Variants in SUGCT observed in about 807,000 individuals in gnomAD.
SUGCT encodes succinyl-CoA:glutarate CoA-transferase.
SUGCT carries 41 observed loss-of-function variants against 55.0 expected under a neutral mutation model. The ratio of observed to expected loss-of-function variants is 0.74; its 90% CI spans 0.58 to 0.97. The LOEUF is 0.97. Ranked by LOEUF, SUGCT falls within the 50% of genes least tolerant of loss-of-function variation. The probability of loss-of-function intolerance (pLI) is 0.00; values close to 1 mark genes in which losing one functional copy is unlikely to be tolerated. For synonymous variants in SUGCT, 187 were observed against 200.4 expected (o/e 0.93, Z 0.56); for missense variants, 568 against 547.8 (o/e 1.04, Z -0.37).
chr7:40,446,467 T>G (rs1363931750), intron 9 of SUGCT, among the ~76,000 whole-genome samples: 2 of 152,198 alleles, frequency 1.3e-5, no homozygotes, highest in Non-Finnish European at 2.9e-5. Flanking sequence ...ATTTTCTTTC[T>G]GTAGTTGAGA....
chr7:40,222,734 G>T (rs764452711), intron 6 of SUGCT, among the ~76,000 whole-genome samples: 1 of 152,028 alleles, frequency 6.6e-6, no homozygotes. Flanking sequence ...CCTGCTACTC[G>T]AGAGGCTGAG....
At chr7:40,721,275 G>A (rs1921744) in intron 12 of SUGCT, among the ~76,000 whole-genome samples, 28,029 of 152,140 alleles carry the variant, frequency 0.18, 2,900 homozygotes, top group Non-Finnish European at 0.23. Flanking sequence ...AGATTAGCAT[G>A]AAACAGAGCT....
chr7:40,285,836 A>G (rs1217049601), intron 8 of SUGCT, among the ~76,000 whole-genome samples: 1 of 152,202 alleles, frequency 6.6e-6, no homozygotes, highest in Non-Finnish European at 1.5e-5. Context: ...AGTTACCTGG[A>G]GAGCTTAGCA....
chr7:40,816,691 G>A (rs1045919270), intron 13 of SUGCT, among the ~76,000 whole-genome samples: 1 of 152,148 alleles, frequency 6.6e-6, no homozygotes, highest in African/African-American at 2.4e-5. Flanking sequence ...CAAACTAAAA[G>A]CCTCTCATCT....
the SUGCT span, among the ~76,000 whole-genome samples, chr7:40,897,977 C>T: frequency 4.5e-3 from 678 of 152,270 alleles, 9 homozygotes; most frequent in Middle Eastern, 0.02. Context: ...CCACCTGCGC[C>T]AACAGTGGCC....
At chr7:41,009,208 T>TAAA in the SUGCT span, among the ~76,000 whole-genome samples, 40 of 103,232 alleles carry the variant, frequency 3.9e-4, no homozygotes, top group East Asian at 1.2e-3. Context: ...TGTCTCTCTC[T>TAAA]AAAAAAAAAA....
At chr7:40,357,274 C>T (rs1797923637) in intron 9 of SUGCT, among the ~76,000 whole-genome samples, 1 of 152,174 alleles carries the variant, frequency 6.6e-6, no homozygotes, top group African/African-American at 2.4e-5. Flanking sequence ...CCCTTTAGCA[C>T]AGCTATAATG....
At chr7:40,248,888 G>GCGCACACACACACACA (rs774950218) in intron 7 of SUGCT, among the ~76,000 whole-genome samples, 8 of 135,522 alleles carry the variant, frequency 5.9e-5, no homozygotes, top group African/African-American at 2.3e-4. Context: ...GCGCGCGCTC[G>GCGCACACACACACACA]CACACACACA....
In SUGCT at chr7:40,860,303, TCTC is replaced by T; in HGVS notation, c.1154-10_1154-8del. The T allele has an allele frequency of 6.2e-7, 1 of 1,613,876 alleles. No individual in the cohort carries two copies. Among genetic ancestry groups the T allele is most frequent in the Admixed American group, 1.7e-5 (1 of 60,018 alleles). On this transcript the variant is annotated splice_polypyrimidine_tract_variant and intron_variant, in intron 13 of 13. Coordinates refer to ENST00000335693, the MANE Select transcript of SUGCT (RefSeq NM_001193313.2). ...TCATTAACAGGCTTCCTGCTTTCCT[TCTC>T]CTTTGGCAGGCCCAGCTGTGAGATA...
chr7:40,791,427 C>T (rs1210871189), intron 13 of SUGCT, among the ~76,000 whole-genome samples: 1 of 135,228 alleles, frequency 7.4e-6, no homozygotes, highest in East Asian at 2.4e-4. Flanking sequence ...TTTGCATTTC[C>T]AGGAACTGCT....
At chr7:40,935,640 A>T in the SUGCT span, among the ~76,000 whole-genome samples, 5 of 152,214 alleles carry the variant, frequency 3.3e-5, no homozygotes, top group Admixed American at 1.3e-4. Flanking sequence ...ACCTTCTGTT[A>T]ATCACTTGAC....
intron 13 of SUGCT, among the ~76,000 whole-genome samples, chr7:40,832,358 T>A (rs1233752225): frequency 2.6e-5 from 4 of 152,194 alleles, no homozygotes; most frequent in African/African-American, 9.6e-5. Context: ...AATATCATAT[T>A]GTTGTGAAAA....
chr7:40,421,976 T>C (rs759715645), intron 9 of SUGCT, among the ~76,000 whole-genome samples: 2 of 152,170 alleles, frequency 1.3e-5, no homozygotes, highest in Non-Finnish European at 2.9e-5. Context: ...TAGTGATGTT[T>C]TGGTGATCCG....
chr7:40,914,796 C>A, the SUGCT span, among the ~76,000 whole-genome samples: 1 of 152,086 alleles, frequency 6.6e-6, no homozygotes, highest in South Asian at 2.1e-4. Context: ...GAAACACATG[C>A]CTGCCTTTTG....
At chr7:40,573,135 T>A (rs1048549311) in intron 12 of SUGCT, among the ~76,000 whole-genome samples, 4 of 152,222 alleles carry the variant, frequency 2.6e-5, no homozygotes, top group African/African-American at 9.7e-5. Flanking sequence ...GAATCCCATC[T>A]TCTACCAAAA....
chr7:40,376,670 G>A (rs1430354541), intron 9 of SUGCT, among the ~76,000 whole-genome samples: 2 of 151,898 alleles, frequency 1.3e-5, no homozygotes, highest in East Asian at 3.9e-4. Context: ...GGGATTACAG[G>A]CGTGAGCTAC....
the SUGCT span, among the ~76,000 whole-genome samples, chr7:40,907,168 T>C: frequency 7.0e-6 from 1 of 143,118 alleles, no homozygotes; most frequent in Non-Finnish European, 1.5e-5. Flanking sequence ...AGAGAGAAGA[T>C]TGAGTGGGGA....
At chr7:40,279,162 A>G (rs935793369) in intron 8 of SUGCT, among the ~76,000 whole-genome samples, 1 of 151,972 alleles carries the variant, frequency 6.6e-6, no homozygotes, top group Non-Finnish European at 1.5e-5. Context: ...TTACATTCTT[A>G]TACCGTATTA....
At chr7:40,980,817 C>G in the SUGCT span, among the ~76,000 whole-genome samples, 2 of 152,146 alleles carry the variant, frequency 1.3e-5, no homozygotes, top group South Asian at 4.1e-4. Flanking sequence ...TCGCCTCAGC[C>G]TCCCAAGTAG....
Sources: allele counts gnomAD v4.1 joint callset (sites outside exome capture counted in the v4.1 genomes callset), GRCh38; gene constraint gnomAD v4.1.1; transcripts MANE v1.5; gene names NCBI Gene and HGNC (gene_info 2026-07-23, HGNC 2026-07-21).